Variants in HS3ST1 observed in about 807,000 individuals in gnomAD.
The protein encoded by HS3ST1 is heparan sulfate-glucosamine 3-sulfotransferase 1, also known as heparan sulfate glucosamine 3-O-sulfotransferase 1.
In HS3ST1, 8 loss-of-function variants were observed where a neutral mutation model predicts 20.7. The ratio of observed to expected loss-of-function variants is 0.39; its 90% CI spans 0.23 to 0.70. The LOEUF (loss-of-function observed/expected upper bound fraction) is 0.70, where lower values mean the gene tolerates loss of function less well. Ranked by LOEUF, HS3ST1 falls within the 30% of genes least tolerant of loss-of-function variation. The pLI is 0.46. For missense variants in HS3ST1, 436 were observed against 423.4 expected (o/e 1.03, Z -0.26); for synonymous variants, 205 against 190.4 (o/e 1.08, Z -0.63).
rs1412959150 is a variant in HS3ST1 at position 11,399,426 on chromosome 4, T to C, written c.580A>G (p.Ser194Gly). The C allele has an allele frequency of 1.2e-6, 2 of 1,613,826 alleles. No homozygotes were observed. The highest frequency in any genetic ancestry group is 3.3e-5 in the Admixed American group (2 of 59,988). Residue 194 changes from serine to glycine, a missense_variant, in exon 2 of 2, where the codon AGC becomes GGC. Physicochemically the swap from Ser to Gly is moderately conservative, Grantham distance 56 (BLOSUM62 0). Coordinates refer to ENST00000002596, the MANE Select transcript of HS3ST1 (RefSeq NM_005114.4). This position sits in a 1 kb window ranked among gnomAD's most constrained non-coding sequence, Gnocchi z 5.1. ...TTCTGCATGTGCACGTGGTAGAGGC[T>C]GCGGTTGAGGGCCTTGTAGTCCACA... ...LNVDYKALNR[S>G]LYHVHMQNWL...
intron 1 of HS3ST1, among the ~76,000 whole-genome samples, chr4:11,414,787 G>A (rs1412947222): frequency 6.6e-6 from 1 of 152,166 alleles, no homozygotes; most frequent in Non-Finnish European, 1.5e-5. Flanking sequence ...GATTCATAGA[G>A]AGAATTTTAA....
chr4:11,424,055 AAAAC>A (rs1273532371), intron 1 of HS3ST1, among the ~76,000 whole-genome samples: 1 of 151,522 alleles, frequency 6.6e-6, no homozygotes, highest in Non-Finnish European at 1.5e-5. Flanking sequence ...AAAAAAAAAA[AAAAC>A]ATAACCAGGT....
intron 1 of HS3ST1, among the ~76,000 whole-genome samples, chr4:11,419,285 T>C (rs1312317479): frequency 6.6e-6 from 1 of 151,914 alleles, no homozygotes; most frequent in Non-Finnish European, 1.5e-5. Flanking sequence ...GCCTAGAAAA[T>C]GAATAACAGT....
chr4:11,400,712 C>T (rs1718299751), intron 1 of HS3ST1, among the ~76,000 whole-genome samples: 3 of 152,236 alleles, frequency 2.0e-5, no homozygotes, highest in Admixed American at 2.0e-4. Flanking sequence ...GGCTCCTAAT[C>T]TAACAGAGCA....
chr4:11,426,942 G>A (rs113547097), intron 1 of HS3ST1, among the ~76,000 whole-genome samples: 2 of 152,176 alleles, frequency 1.3e-5, no homozygotes, highest in African/African-American at 4.8e-5. Context: ...CGGAGCGCGC[G>A]TCTCCTGGAA....
chr4:11,423,892 T>C lies in HS3ST1; in HGVS notation c.-109+4807A>G, dbSNP rs190329078. Among the ~76,000 whole-genome samples, 538 of 152,226 alleles carry C rather than the reference T, an allele frequency of 3.5e-3. 4 individuals are homozygous for C. Among genetic ancestry groups the C allele is most frequent in the African/African-American group, 0.013 (522 of 41,540 alleles). On this transcript the variant is annotated intron_variant, in intron 1 of 1. Transcript: ENST00000002596. ...ATCCCTGGAAACCAGAGGCCATACA[T>C]TGGAGGCCTGTGTGACAGATATAAG...
At chr4:11,404,644 C>T (rs1421713955) in intron 1 of HS3ST1, among the ~76,000 whole-genome samples, 1 of 152,210 alleles carries the variant, frequency 6.6e-6, no homozygotes, top group African/African-American at 2.4e-5. Context: ...GCAGGCAGCA[C>T]AAAGGCAAAT....
At position 11,399,732 on chromosome 4, in the gene HS3ST1, A is replaced by G. The variant is rs750639573; in HGVS notation, c.274T>C (p.Trp92Arg). ...AAGCCGTGGCTGTAATGCTCCTCCC[A>G]GTCGAAGAAGTGGACCTCGTTCTCC... ...AAENEVHFFD[W>R]EEHYSHGLGW... is the part of the protein sequence containing the mutation. Residue 92 changes from tryptophan (W) to arginine (R), a missense_variant, in exon 2 of 2, where the codon TGG (tryptophan) becomes CGG (arginine). Physicochemically the swap from Trp to Arg is moderately radical, Grantham distance 101. Transcript: ENST00000002596. This position sits in a 1 kb window ranked among gnomAD's most constrained non-coding sequence, Gnocchi z 5.1. 1.2e-6 allele frequency: 2 copies of G among 1,613,906 alleles called. No homozygotes were observed. The highest frequency in any genetic ancestry group is 1.7e-6 in the Non-Finnish European group (2 of 1,180,040).
intron 1 of HS3ST1, among the ~76,000 whole-genome samples, chr4:11,426,163 C>G (rs937316919): frequency 3.3e-5 from 5 of 152,162 alleles, no homozygotes; most frequent in African/African-American, 9.7e-5. Context: ...TTCCTCCAAA[C>G]TTTAGCCCCC....
In HS3ST1 at chr4:11,398,641, AT is replaced by A. The variant is rs1488343814; in HGVS notation, c.*440del. ...GAGACATTAAAAATTAAAAAGAGCA[AT>A]GCAGAAAGGAGAGGGGAGAGAGAGG... On this transcript the variant is annotated 3_prime_UTR_variant, in exon 2 of 2. Coordinates refer to ENST00000002596, the MANE Select transcript of HS3ST1 (RefSeq NM_005114.4). 1.3e-5 allele frequency: 2 copies of A among 152,916 alleles called. No individual in the cohort carries two copies. The highest frequency in any genetic ancestry group is 2.9e-5 in the Non-Finnish European group (2 of 68,574). The allele number at this position is 152,916 out of a possible 1,614,324, so 9.5% of individuals were successfully genotyped here.
At position 11,399,828 on chromosome 4, in the gene HS3ST1, T is replaced by A. The variant is rs773890338; in HGVS notation, c.178A>T (p.Ile60Phe). 1.2e-6 allele frequency: 2 copies of A among 1,612,842 alleles called. No homozygotes were observed. Among genetic ancestry groups the A allele is most frequent in the Non-Finnish European group, 1.7e-6 (2 of 1,179,780 alleles). ...SAQQLPQTII[I>F]GVRKGGTRAL... ...CGCGTGCCGCCCTTGCGCACGCCGA[T>A]GATGATGGTCTGCGGCAACTGCTGG... Residue 60 changes from isoleucine (I) to phenylalanine (F), a missense_variant, in exon 2 of 2, where the codon ATC becomes TTC. Ile to Phe is a conservative substitution (Grantham distance 21, BLOSUM62 0). Transcript: ENST00000002596. This position sits in a 1 kb window ranked among gnomAD's most constrained non-coding sequence, Gnocchi z 5.1.
Position 11,398,566 on chromosome 4 carries a change from G to A in HS3ST1, c.*516C>T, listed in dbSNP as rs1718208637. On this transcript the variant is annotated 3_prime_UTR_variant, in exon 2 of 2. Coordinates refer to ENST00000002596, the MANE Select transcript of HS3ST1 (RefSeq NM_005114.4). Reference sequence around the variant, plus strand: ...CCTCCAAAAATGACAAGGAATCGCCGAGGAGATAAATCTTACAATCCAAGT... The same window carrying A: ...CCTCCAAAAATGACAAGGAATCGCCAAGGAGATAAATCTTACAATCCAAGT... The A allele has an allele frequency of 1.3e-5, 2 of 152,220 alleles. No homozygotes were observed. Among genetic ancestry groups the A allele is most frequent in the African/African-American group, 2.4e-5 (1 of 41,418 alleles). 9.4% of individuals were successfully genotyped at this position (152,220 alleles called of 1,614,324 possible).
Position 11,399,632 on chromosome 4 carries a change from G to A in HS3ST1, c.374C>T (p.Thr125Met). ...LTVEKTPAYF[T>M]SPKVPERVYS... ...GACTCGCTCAGGCACTTTGGGCGACGTGAAATACGCGGGGGTCTTCTCCAC... is the reference window on the plus strand; with the variant it reads ...GACTCGCTCAGGCACTTTGGGCGACATGAAATACGCGGGGGTCTTCTCCAC... Residue 125 changes from threonine to methionine, a missense_variant, in exon 2 of 2, where the codon ACG becomes ATG. By Grantham distance (81) the Thr-to-Met change is moderately conservative. Transcript: ENST00000002596. The surrounding 1 kb of genome is among the most constrained non-coding windows in gnomAD (Gnocchi z 5.1). 6.2e-7 allele frequency: 1 copy of A among 1,613,950 alleles called. No homozygotes were observed. Among genetic ancestry groups the A allele is most frequent in the Non-Finnish European group, 8.5e-7 (1 of 1,180,036 alleles).
chr4:11,404,199 C>T (rs1718401976), intron 1 of HS3ST1, among the ~76,000 whole-genome samples: 2 of 152,000 alleles, frequency 1.3e-5, no homozygotes, highest in Non-Finnish European at 2.9e-5. Flanking sequence ...TGTGTGCCAC[C>T]ACAGCTGGCT....
intron 1 of HS3ST1, among the ~76,000 whole-genome samples, chr4:11,413,782 G>T (rs1577443630): frequency 1.3e-5 from 2 of 150,292 alleles, no homozygotes; most frequent in Non-Finnish European, 1.5e-5. Context: ...ATCGATAATG[G>T]ACTGAGAGAT....
chr4:11,432,729 A>G (rs1165040255), upstream of HS3ST1, among the ~76,000 whole-genome samples: 2 of 152,220 alleles, frequency 1.3e-5, no homozygotes, highest in East Asian at 1.9e-4. Flanking sequence ...GATTGTGCTG[A>G]GGTCTAGAAT....
chr4:11,404,880 A>G (rs1229446822), intron 1 of HS3ST1, among the ~76,000 whole-genome samples: 1 of 152,198 alleles, frequency 6.6e-6, no homozygotes, highest in Non-Finnish European at 1.5e-5. Context: ...TGTAATCCTC[A>G]CTGCAAGTCC....
At chr4:11,400,153 A>G in intron 1 of HS3ST1, 40 bp from the exon 2 acceptor site, 2 of 1,404,974 alleles carry the variant, frequency 1.4e-6, no homozygotes, top group Non-Finnish European at 9.3e-7. Context: ...TATAACAAAT[A>G]CAGGGATAAT....
intron 1 of HS3ST1, among the ~76,000 whole-genome samples, chr4:11,415,720 G>A (rs1718759451): frequency 6.6e-6 from 1 of 152,208 alleles, no homozygotes; most frequent in Non-Finnish European, 1.5e-5. Flanking sequence ...TTAATCTAGT[G>A]TTTTTAAAGG....
Sources: gnomAD v4.1 joint callset for allele counts (sites outside exome capture counted in the v4.1 genomes callset) on GRCh38, gnomAD v4.1.1 for gene constraint, Gnocchi (gnomAD v3.1) non-coding constraint, MANE v1.5 for transcripts, NCBI Gene and HGNC (gene_info 2026-07-23, HGNC 2026-07-21) for gene names.